Variants in CREBBP observed in about 807,000 individuals in gnomAD.
CREBBP encodes the protein CREB-binding protein.
In CREBBP, 19 loss-of-function variants were observed where a neutral mutation model predicts 265.0. That is an observed-to-expected ratio of 0.07 (90% CI 0.05 to 0.11). The LOEUF (loss-of-function observed/expected upper bound fraction) is 0.11. CREBBP is among the 10% of genes least tolerant of loss of function. The probability of loss-of-function intolerance (pLI) is 1.00; values close to 1 mark genes in which losing one functional copy is unlikely to be tolerated. For missense variants in CREBBP, 2,525 were observed against 3,219.0 expected (o/e 0.78, Z 5.22); for synonymous variants, 1,457 against 1,223.7 (o/e 1.19, Z -3.98).
intron 2 of CREBBP, among the ~76,000 whole-genome samples, chr16:3,849,485 G>GCGTGACCTTGGAGCCACCTGGAGGCTGC (rs2054778496): frequency 8.2e-6 from 1 of 121,354 alleles, no homozygotes; most frequent in Non-Finnish European, 1.7e-5. Context: ...GTGTGTGTGT[G>GCGTGACCTTGGAGCCACCTGGAGGCTGC]TGTGATGTGC....
At chr16:3,840,357 C>T (rs545010050) in intron 2 of CREBBP, among the ~76,000 whole-genome samples, 1 of 152,208 alleles carries the variant, frequency 6.6e-6, no homozygotes. Context: ...CAAGACCAGC[C>T]CAGGCAACAT....
At chr16:3,860,821 C>A (rs1327529799) in intron 1 of CREBBP, among the ~76,000 whole-genome samples, 1 of 152,006 alleles carries the variant, frequency 6.6e-6, no homozygotes, top group Admixed American at 6.6e-5. Flanking sequence ...GGAGGCCACA[C>A]TACGCTCTCG....
At chr16:3,821,399 G>T (rs1362572078) in intron 2 of CREBBP, among the ~76,000 whole-genome samples, 1 of 152,178 alleles carries the variant, frequency 6.6e-6, no homozygotes, top group African/African-American at 2.4e-5. Flanking sequence ...GCCTTTCCAG[G>T]AGACTGGGGA....
At chr16:3,875,790 C>T (rs1292785125) in intron 1 of CREBBP, among the ~76,000 whole-genome samples, 2 of 152,186 alleles carry the variant, frequency 1.3e-5, no homozygotes, top group East Asian at 3.8e-4. Flanking sequence ...AGCATCTTCC[C>T]TTCCTCACAG....
chr16:3,837,899 C>G (rs950274981), intron 2 of CREBBP, among the ~76,000 whole-genome samples: 1 of 152,274 alleles, frequency 6.6e-6, no homozygotes, highest in African/African-American at 2.4e-5. Flanking sequence ...ACGTTCTCAG[C>G]TGTCACATTC....
chr16:3,796,993 C>T lies in CREBBP; in HGVS notation c.976-3367G>A, dbSNP rs548310118. Among the ~76,000 whole-genome samples the T allele has an allele frequency of 3.2e-4, 48 of 152,274 alleles. 2 individuals carry two copies. The South Asian group carries it at 9.5e-3, about 30-fold the overall frequency. On this transcript the variant is annotated intron_variant, in intron 3 of 30. Transcript: ENST00000262367. ...CAAAGTACTTACAAATACAGGGGCA[C>T]ACTTAATTTCCTCCTCTCCCAGGCT...
intron 4 of CREBBP, 151 bp from the exon 5 acceptor site, chr16:3,792,245 G>A (rs1352021388): frequency 1.3e-6 from 1 of 748,964 alleles, no homozygotes. Context: ...CAAACAGGCT[G>A]TTTTCCAAAA....
At chr16:3,735,756 G>A (rs139234923) in intron 28 of CREBBP, among the ~76,000 whole-genome samples, 2 of 152,256 alleles carry the variant, frequency 1.3e-5, no homozygotes, top group African/African-American at 4.8e-5. Context: ...TTACATCAGC[G>A]GGTTGTGTCC....
intron 16 of CREBBP, among the ~76,000 whole-genome samples, chr16:3,764,573 C>T (rs1207377591): frequency 1.3e-5 from 2 of 151,866 alleles, no homozygotes; most frequent in Admixed American, 6.6e-5. Context: ...ACTGTGTCCA[C>T]TCATTTCTTA....
Position 3,726,793 on chromosome 16 carries a change from C to T in CREBBP, c.*925G>A, listed in dbSNP as rs2051757816. 1 of 233,426 alleles carries T rather than the reference C, an allele frequency of 4.3e-6. No homozygotes were observed. Among genetic ancestry groups the T allele is most frequent in the African/African-American group, 2.2e-5 (1 of 45,320 alleles). The allele number at this position is 233,426 out of a possible 1,614,324, so 14.5% of individuals were successfully genotyped here. On this transcript the variant is annotated 3_prime_UTR_variant, in exon 31 of 31. Coordinates refer to ENST00000262367, the MANE Select transcript of CREBBP (RefSeq NM_004380.3). ...GAACACTAAGTGTTAATACCATGTA[C>T]ATGAATTCAAGAAGGACCACCCTTT...
chr16:3,811,898 T>C (rs2053945184), intron 2 of CREBBP, among the ~76,000 whole-genome samples: 1 of 152,184 alleles, frequency 6.6e-6, no homozygotes, highest in African/African-American at 2.4e-5. Context: ...CAAATGTGTA[T>C]GCTATTGGTA....
chr16:3,823,186 A>G (rs1447279264), intron 2 of CREBBP, among the ~76,000 whole-genome samples: 1 of 152,210 alleles, frequency 6.6e-6, no homozygotes, highest in Non-Finnish European at 1.5e-5. Flanking sequence ...TATGACTCAT[A>G]TTCTCTATAC....
At position 3,749,617 on chromosome 16, in the gene CREBBP, A is replaced by G. The variant is rs1199273043; in HGVS notation, c.3836+10T>C. ...AACTGAAAGTAAAAAAGAAATAGCT[A>G]TATACTTACGGTTCGGGGTCTAAGG... On this transcript the variant is annotated intron_variant, in intron 21 of 30. Transcript: ENST00000262367. The G allele has an allele frequency of 1.8e-5, 29 of 1,585,838 alleles. No individual in the cohort carries two copies. In the East Asian group the frequency reaches 6.5e-4, roughly 35 times the overall value.
chr16:3,879,202 G>A (rs1014062830), intron 1 of CREBBP, among the ~76,000 whole-genome samples: 1 of 149,686 alleles, frequency 6.7e-6, no homozygotes, highest in Admixed American at 6.8e-5. Context: ...TTGAAAAATG[G>A]AATGACTAGT....
intron 7 of CREBBP, 36 bp downstream of exon 7, chr16:3,781,168 G>A (rs768773074): frequency 6.5e-7 from 1 of 1,546,708 alleles, no homozygotes; most frequent in Non-Finnish European, 8.9e-7. Flanking sequence ...CCATGCTCCT[G>A]TTGGACTGTC....
chr16:3,754,548 G>A (rs1376363626), intron 19 of CREBBP, among the ~76,000 whole-genome samples: 2 of 151,886 alleles, frequency 1.3e-5, no homozygotes, highest in African/African-American at 4.8e-5. Flanking sequence ...ATAGTACCAT[G>A]GAACTGCATA....
intron 21 of CREBBP, among the ~76,000 whole-genome samples, chr16:3,749,303 C>G (rs760570633): frequency 3.3e-5 from 5 of 152,198 alleles, no homozygotes; most frequent in African/African-American, 1.2e-4. Flanking sequence ...ACCAAATACT[C>G]CTAACCTTTG....
At chr16:3,733,808 A>C (rs921090276) in intron 28 of CREBBP, among the ~76,000 whole-genome samples, 1 of 151,816 alleles carries the variant, frequency 6.6e-6, no homozygotes, top group African/African-American at 2.4e-5. Flanking sequence ...CACCTGGCTA[A>C]TTTTTGTATT....
chr16:3,789,060 G>A (rs1226767291), intron 5 of CREBBP, among the ~76,000 whole-genome samples: 2 of 152,234 alleles, frequency 1.3e-5, no homozygotes, highest in Admixed American at 6.5e-5. Context: ...GATTCTGGAA[G>A]GTTCTCTCAG....
Sources: gnomAD v4.1 joint callset for allele counts (sites outside exome capture counted in the v4.1 genomes callset) on GRCh38, gnomAD v4.1.1 for gene constraint, MANE v1.5 for transcripts, NCBI Gene and HGNC (gene_info 2026-07-23, HGNC 2026-07-21) for gene names.